Variants in ZMYND8 observed in about 807,000 individuals in gnomAD.
The protein encoded by ZMYND8 is zinc finger MYND-type containing 8.
ZMYND8 carries 37 observed loss-of-function variants against 140.8 expected under a neutral mutation model. The ratio of observed to expected loss-of-function variants is 0.26; its 90% CI spans 0.20 to 0.35. The LOEUF (loss-of-function observed/expected upper bound fraction) is 0.35. Among genes scored for constraint, ZMYND8 ranks in the 10% least tolerant of loss-of-function variants. ZMYND8 has a pLI of 1.00. For synonymous variants in ZMYND8, 592 were observed against 597.1 expected (o/e 0.99, Z 0.12); for missense variants, 1,068 against 1,570.0 (o/e 0.68, Z 5.40).
At chr20:47,258,176 T>G (rs1315549965) in intron 12 of ZMYND8, among the ~76,000 whole-genome samples, 2 of 152,220 alleles carry the variant, frequency 1.3e-5, no homozygotes, top group East Asian at 3.8e-4. Context: ...AACTTCACCT[T>G]ACCCCCTGAC....
intron 12 of ZMYND8, among the ~76,000 whole-genome samples, chr20:47,260,862 A>G (rs2147533716): frequency 6.6e-6 from 1 of 152,348 alleles, no homozygotes; most frequent in East Asian, 1.9e-4. Context: ...TGCCTAGAAT[A>G]GTGCACAGCA....
chr20:47,303,695 CAA>C (rs1195746475), intron 3 of ZMYND8, among the ~76,000 whole-genome samples: 1 of 142,242 alleles, frequency 7.0e-6, no homozygotes, highest in Non-Finnish European at 1.5e-5. Flanking sequence ...GACTCTGTCT[CAA>C]AAAAAAAAAA....
intron 2 of ZMYND8, among the ~76,000 whole-genome samples, chr20:47,333,088 T>C (rs1204683909): frequency 6.6e-6 from 1 of 152,132 alleles, no homozygotes; most frequent in Non-Finnish European, 1.5e-5. Context: ...GGCTCATGCC[T>C]GTAATCCCAA....
intron 4 of ZMYND8, among the ~76,000 whole-genome samples, chr20:47,295,406 T>C (rs2077575926): frequency 6.6e-6 from 1 of 152,048 alleles, no homozygotes; most frequent in Admixed American, 6.6e-5. Flanking sequence ...AATATGTATG[T>C]ATAAAAAAAG....
chr20:47,329,005 G>A (rs2080708383), intron 2 of ZMYND8, among the ~76,000 whole-genome samples: 2 of 152,102 alleles, frequency 1.3e-5, no homozygotes, highest in Admixed American at 1.3e-4. Context: ...AAGGGGCCTG[G>A]CAAAAAGGGA....
intron 2 of ZMYND8, among the ~76,000 whole-genome samples, chr20:47,318,165 G>C (rs986687146): frequency 6.6e-6 from 1 of 152,064 alleles, no homozygotes; most frequent in African/African-American, 2.4e-5. Flanking sequence ...GTAGACTGGA[G>C]ACCAGAATCA....
chr20:47,237,150 CT>C lies in ZMYND8; in HGVS notation c.2666-635del, dbSNP rs888571132. ...CAATGAGCCACTTTTTGGCAGCGCTCTTTTTTTTTTTTTTGACAGTCTCACT... is the reference window on the plus strand; with the variant it reads ...CAATGAGCCACTTTTTGGCAGCGCTCTTTTTTTTTTTTTGACAGTCTCACT... On this transcript the variant is annotated intron_variant, in intron 15 of 22. Coordinates refer to ENST00000471951, the MANE Select transcript of ZMYND8 (RefSeq NM_001281775.3). 9.9e-3 allele frequency among the ~76,000 whole-genome samples: 1,384 copies of C among 140,398 alleles called. 13 individuals are homozygous for C. Among genetic ancestry groups the C allele is most frequent in the African/African-American group, 0.028 (1,016 of 36,754 alleles). The allele number at this position is 140,398 out of a possible 152,430, so 92.1% of individuals were successfully genotyped here.
intron 7 of ZMYND8, among the ~76,000 whole-genome samples, chr20:47,288,318 C>A (rs929365844): frequency 6.6e-6 from 1 of 151,882 alleles, no homozygotes; most frequent in Non-Finnish European, 1.5e-5. Context: ...TCTACCTGAC[C>A]TCATCCACTT....
At chr20:47,334,040 T>C (rs1265852759) in intron 2 of ZMYND8, among the ~76,000 whole-genome samples, 1 of 152,230 alleles carries the variant, frequency 6.6e-6, no homozygotes, top group Non-Finnish European at 1.5e-5. Context: ...ACCTTAAATG[T>C]GCTCAGAACA....
chr20:47,324,989 C>T (rs2080291680), intron 2 of ZMYND8, among the ~76,000 whole-genome samples: 1 of 152,316 alleles, frequency 6.6e-6, no homozygotes, highest in East Asian at 1.9e-4. Flanking sequence ...ACTGCAACTT[C>T]CACCTCCTGG....
At chr20:47,345,555 C>T (rs1384754477) in intron 2 of ZMYND8, among the ~76,000 whole-genome samples, 2 of 150,884 alleles carry the variant, frequency 1.3e-5, no homozygotes, top group Non-Finnish European at 2.9e-5. Flanking sequence ...TCCCCTAGGC[C>T]GGAGTGCAAA....
intron 21 of ZMYND8, among the ~76,000 whole-genome samples, chr20:47,217,103 C>T (rs565442420): frequency 1.3e-5 from 2 of 151,982 alleles, no homozygotes; most frequent in South Asian, 2.1e-4. Context: ...GTTGTATTAG[C>T]AACAGTACTC....
At chr20:47,313,932 C>CA (rs758243098) in intron 2 of ZMYND8, among the ~76,000 whole-genome samples, 1 of 151,514 alleles carries the variant, frequency 6.6e-6, no homozygotes, top group East Asian at 1.9e-4. Flanking sequence ...GACTCCGTCT[C>CA]AAAAAAATTA....
chr20:47,271,638 T>C (rs754439312), intron 11 of ZMYND8, among the ~76,000 whole-genome samples: 63 of 152,186 alleles, frequency 4.1e-4, no homozygotes, highest in Non-Finnish European at 3.1e-4. Flanking sequence ...GGAAACACAA[T>C]CTAAGGACTG....
intron 1 of ZMYND8, chr20:47,348,643 A>G (rs1256959838): frequency 6.6e-6 from 1 of 152,374 alleles, no homozygotes; most frequent in Non-Finnish European, 1.5e-5. Context: ...TCAAAAGACA[A>G]AGGCTAAGAG....
At chr20:47,275,282 A>G (rs760211531) in intron 11 of ZMYND8, among the ~76,000 whole-genome samples, 1 of 152,208 alleles carries the variant, frequency 6.6e-6, no homozygotes, top group Admixed American at 6.5e-5. Context: ...ACTTGAAGTC[A>G]GGAGTTCGAG....
intron 2 of ZMYND8, among the ~76,000 whole-genome samples, chr20:47,329,209 C>A (rs889443096): frequency 3.3e-5 from 5 of 152,294 alleles, no homozygotes; most frequent in Middle Eastern, 3.4e-3. Flanking sequence ...GCATTCAGCA[C>A]AGCATGCACA....
Position 47,210,838 on chromosome 20 carries a change from G to A in ZMYND8, c.3628C>T (p.Arg1210Cys), listed in dbSNP as rs1309710233. Residue 1210 changes from arginine (R) to cysteine (C), a missense_variant, in exon 23 of 23, where the codon CGT (arginine) becomes TGT (cysteine). Arg to Cys is a radical substitution (Grantham distance 180). Coordinates refer to ENST00000471951, the MANE Select transcript of ZMYND8 (RefSeq NM_001281775.3). Reference protein sequence around the residue: ...SSSDEKRGSTRSDHNTSTSTK... With the variant: ...SSSDEKRGSTCSDHNTSTSTK... The stretch of plus-strand genomic sequence containing the variant: ...CTGGTACTGGTGTTGTGATCGGAAC[G>A]TGTCGATCCCCTCTTCTCATCACTG... The A allele has an allele frequency of 2.5e-6, 4 of 1,614,082 alleles. No homozygotes were observed. The highest frequency in any genetic ancestry group is 3.4e-6 in the Non-Finnish European group (4 of 1,180,016).
Position 47,276,251 on chromosome 20 carries a change from T to G in ZMYND8, c.1480+63A>C, listed in dbSNP as rs1158834808. On this transcript the variant is annotated intron_variant, in intron 11 of 22. Transcript: ENST00000471951. ...CTCACCTGCTTGGGCCCACCAAGTG[T>G]GCACCCATGGGAAACCCCCGTGTCC... The G allele has an allele frequency of 2.7e-6, 4 of 1,482,348 alleles. No homozygotes were observed. In the Admixed American group the frequency reaches 6.8e-5, roughly 25 times the overall value. 91.8% of individuals were successfully genotyped at this position (1,482,348 alleles called of 1,614,324 possible).
Sources: gnomAD v4.1 joint callset for allele counts (sites outside exome capture counted in the v4.1 genomes callset) on GRCh38, gnomAD v4.1.1 for gene constraint, MANE v1.5 for transcripts, NCBI Gene and HGNC (gene_info 2026-07-23, HGNC 2026-07-21) for gene names.